Variants in UHMK1 observed in about 807,000 individuals in gnomAD.
UHMK1 encodes the protein U2AF homology motif kinase 1, also known as serine/threonine-protein kinase Kist.
Under a neutral mutation model 44.0 loss-of-function variants are expected in UHMK1, and 18 were observed. The ratio of observed to expected loss-of-function variants is 0.41; its 90% confidence interval spans 0.28 to 0.61. The LOEUF is 0.61. Among genes scored for constraint, UHMK1 ranks in the 20% least tolerant of loss-of-function variants. UHMK1 has a pLI of 0.31. For missense variants in UHMK1, 463 were observed against 522.5 expected (o/e 0.89, Z 1.11); for synonymous variants, 231 against 198.5 (o/e 1.16, Z -1.38).
chr1:162,500,746 C>A, intron 2 of UHMK1, 167 bp from the exon 3 acceptor site: 1 of 622,264 alleles, frequency 1.6e-6, no homozygotes, highest in South Asian at 2.2e-5. Context: ...CCTCTGAGAA[C>A]TGCCCAGTTA....
intron 6 of UHMK1, among the ~76,000 whole-genome samples, chr1:162,516,459 G>T: frequency 6.6e-6 from 1 of 152,098 alleles, no homozygotes; most frequent in East Asian, 1.9e-4. Context: ...AAAAGAAAGG[G>T]ATGAGGGAAG....
At chr1:162,512,853 T>A (rs1158600359) in intron 6 of UHMK1, 30 bp downstream of exon 6, 1 of 1,584,258 alleles carries the variant, frequency 6.3e-7, no homozygotes, top group African/African-American at 1.3e-5. Context: ...TATTTTAATG[T>A]GTCTTTCTTA....
chr1:162,501,593 C>T (rs1651270481), intron 3 of UHMK1, among the ~76,000 whole-genome samples: 1 of 152,170 alleles, frequency 6.6e-6, no homozygotes, highest in Non-Finnish European at 1.5e-5. Context: ...GTGAGTATTG[C>T]ATTCTTATTG....
intron 6 of UHMK1, among the ~76,000 whole-genome samples, chr1:162,516,329 C>T (rs1651832383): frequency 6.6e-6 from 1 of 151,998 alleles, no homozygotes; most frequent in African/African-American, 2.4e-5. Flanking sequence ...GAACAGCTGT[C>T]TTGTAATCTT....
Position 162,503,847 on chromosome 1 carries a change from A to C in UHMK1, c.847A>C (p.Ser283Arg). ...PAYHLRDLIK[S>R]MLHDDPSRRI... ...CTATCACCTAAGAGACCTTATCAAA[A>C]GGTATGTTACACGTACCATAAACTT... Residue 283 changes from serine (S) to arginine (R), a missense_variant and splice_region_variant, in exon 4 of 8, where the codon AGC becomes CGC. By Grantham distance (110) the Ser-to-Arg change is moderately radical. Coordinates refer to ENST00000489294, the MANE Select transcript of UHMK1 (RefSeq NM_175866.5). The C allele has an allele frequency of 1.9e-6, 3 of 1,613,778 alleles. No individual in the cohort carries two copies. The highest frequency in any genetic ancestry group is 2.5e-6 in the Non-Finnish European group (3 of 1,179,726).
chr1:162,511,442 C>T (rs1047552505), intron 4 of UHMK1, among the ~76,000 whole-genome samples: 1 of 152,098 alleles, frequency 6.6e-6, no homozygotes, highest in African/African-American at 2.4e-5. Flanking sequence ...TCTGGGATTA[C>T]AGATGTGAGC....
intron 1 of UHMK1, among the ~76,000 whole-genome samples, chr1:162,499,529 T>A (rs377010362): frequency 2.6e-5 from 4 of 152,382 alleles, no homozygotes; most frequent in African/African-American, 7.2e-5. Context: ...GTGACATTCC[T>A]TTTAAAAGAG....
chr1:162,500,414 T>C (rs1312635426), intron 2 of UHMK1, 167 bp downstream of exon 2: 8 of 780,636 alleles, frequency 1.0e-5, no homozygotes, highest in Non-Finnish European at 1.6e-5. Context: ...TGCCACCGTG[T>C]AAAAAAAGGA....
chr1:162,502,907 C>G (rs1316365399), intron 3 of UHMK1, among the ~76,000 whole-genome samples: 1 of 151,568 alleles, frequency 6.6e-6, no homozygotes, highest in African/African-American at 2.4e-5. Context: ...TAGCAAACAG[C>G]TCATGGTAAG....
In UHMK1 at chr1:162,498,321, C is replaced by T; in HGVS notation, c.268+53C>T. ...TTGCCCAGGTCACAGTCCGAGCACA[C>T]TCTTCCTCTCGCTGTCTGGCGTTCC... On this transcript the variant is annotated intron_variant, in intron 1 of 7. Transcript: ENST00000489294. 3 of 1,517,254 alleles carry T rather than the reference C, an allele frequency of 2.0e-6. No individual in the cohort carries two copies. In the South Asian group the frequency reaches 3.9e-5, roughly 20 times the overall value. The allele number at this position is 1,517,254 out of a possible 1,614,324, so 94.0% of individuals were successfully genotyped here. A position where few individuals can be genotyped will look rare whatever the true frequency, so the allele number is the denominator to read the frequency against.
Position 162,498,234 on chromosome 1 carries a change from G to C in UHMK1, c.234G>C (p.Ala78=). 1 of 1,608,002 alleles carries C rather than the reference G, an allele frequency of 6.2e-7. No homozygotes were observed. The highest frequency in any genetic ancestry group is 8.5e-7 in the Non-Finnish European group (1 of 1,176,914). Residue 78 remains alanine (A), a synonymous_variant, in exon 1 of 8, where the codon GCG becomes GCC. Coordinates refer to ENST00000489294, the MANE Select transcript of UHMK1 (RefSeq NM_175866.5). ...AGTATGGTTTCCGCAAAGAGAGGGC[G>C]GCGCTGGAACAGTTGCAGGGTCACA... ...AAEYGFRKER[A]ALEQLQGHRN...
intron 6 of UHMK1, among the ~76,000 whole-genome samples, chr1:162,514,974 A>G (rs1451532856): frequency 6.6e-6 from 1 of 152,110 alleles, no homozygotes; most frequent in Non-Finnish European, 1.5e-5. Context: ...TCAATTTTGG[A>G]CTTCTCTAAT....
In UHMK1 at chr1:162,525,145, A is replaced by G. The variant is rs1483344954; in HGVS notation, c.*2595A>G. 1 of 152,210 alleles carries G rather than the reference A, an allele frequency of 6.6e-6. No individual in the cohort carries two copies. The highest frequency in any genetic ancestry group is 2.4e-5 in the African/African-American group (1 of 41,456). 9.4% of individuals were successfully genotyped at this position (152,210 alleles called of 1,614,324 possible). A position where few individuals can be genotyped will look rare whatever the true frequency, so the allele number is the denominator to read the frequency against. Reference sequence around the variant, plus strand: ...TTTATAGCTCTTAGCCCGTTCTACCAAAGATCACATTAGCAGATTACCCCT... The same window carrying G: ...TTTATAGCTCTTAGCCCGTTCTACCGAAGATCACATTAGCAGATTACCCCT... On this transcript the variant is annotated 3_prime_UTR_variant, in exon 8 of 8. Coordinates refer to ENST00000489294, the MANE Select transcript of UHMK1 (RefSeq NM_175866.5).
intron 6 of UHMK1, among the ~76,000 whole-genome samples, chr1:162,516,542 C>G (rs1244972857): frequency 2.6e-5 from 4 of 151,946 alleles, no homozygotes; most frequent in South Asian, 2.1e-4. Flanking sequence ...TTTTAATATT[C>G]CTGAAGTTGG....
chr1:162,498,199 T>G lies in UHMK1; in HGVS notation c.199T>G (p.Ser67Ala), dbSNP rs760909958. ...GCCAGGAACCACCGGGGCTGCGGCC[T>G]CTGCCGCCGAGTATGGTTTCCGCAA... ...LPPGTTGAAA[S>A]AAEYGFRKER... Residue 67 changes from serine to alanine, a missense_variant, in exon 1 of 8, where the codon TCT (serine) becomes GCT (alanine). By Grantham distance (99) the Ser-to-Ala change is moderately conservative. Transcript: ENST00000489294. 1.2e-6 allele frequency: 2 copies of G among 1,612,696 alleles called. No homozygotes were observed. Among genetic ancestry groups the G allele is most frequent in the Non-Finnish European group, 1.7e-6 (2 of 1,179,166 alleles).
At chr1:162,506,692 G>A (rs561634053) in intron 4 of UHMK1, among the ~76,000 whole-genome samples, 45 of 152,124 alleles carry the variant, frequency 3.0e-4, no homozygotes, top group African/African-American at 1.0e-3. Flanking sequence ...GTGAAACCCC[G>A]TCTCTACTAA....
intron 2 of UHMK1, 99 bp from the exon 3 acceptor site, chr1:162,500,814 G>C: frequency 8.4e-7 from 1 of 1,193,954 alleles, no homozygotes; most frequent in East Asian, 2.5e-5. Context: ...TAGCTTGGCA[G>C]TGGGTTTACT....
In UHMK1 at chr1:162,501,110, C is replaced by T; in HGVS notation, c.753+6C>T. 2 of 1,613,350 alleles carry T rather than the reference C, an allele frequency of 1.2e-6. No individual in the cohort carries two copies. The highest frequency in any genetic ancestry group is 1.7e-6 in the Non-Finnish European group (2 of 1,179,726). On this transcript the variant is annotated splice_donor_region_variant and intron_variant, in intron 3 of 7. Coordinates refer to ENST00000489294, the MANE Select transcript of UHMK1 (RefSeq NM_175866.5). ...TCAGATCTCAGGAATGGAAGGTAAACTTCACCAGTGCTTTGCTTTGGGGTC... is the reference window on the plus strand; with the variant it reads ...TCAGATCTCAGGAATGGAAGGTAAATTTCACCAGTGCTTTGCTTTGGGGTC...
rs376602802 is a variant in UHMK1 at position 162,498,173 on chromosome 1, C to A, written c.173C>A (p.Pro58Gln). The A allele has an allele frequency of 9.5e-5, 154 of 1,612,968 alleles. No individual in the cohort carries two copies. Among genetic ancestry groups the A allele is most frequent in the Admixed American group, 1.7e-4 (10 of 59,948 alleles). ...SPPGALKQFLPPGTTGAAASA... is the reference protein window; with the variant it reads ...SPPGALKQFLQPGTTGAAASA... ...CCCGGCGCCCTCAAGCAGTTCTTGC[C>A]GCCAGGAACCACCGGGGCTGCGGCC... Residue 58 changes from proline (P) to glutamine (Q), a missense_variant, in exon 1 of 8, where the codon CCG (proline) becomes CAG (glutamine). Pro to Gln is a moderately conservative substitution (Grantham distance 76). Around this residue, in one of 3 missense-constraint regions of UHMK1, gnomAD observed 191 missense variants for 176.0 expected, o/e 1.09. Coordinates refer to ENST00000489294, the MANE Select transcript of UHMK1 (RefSeq NM_175866.5).
Sources: allele counts gnomAD v4.1 joint callset (sites outside exome capture counted in the v4.1 genomes callset), GRCh38; gene constraint gnomAD v4.1.1; regional missense constraint gnomAD v4.1.1; transcripts MANE v1.5; gene names NCBI Gene and HGNC (gene_info 2026-07-23, HGNC 2026-07-21).